The following IL5RA variants were observed in gnomAD, a reference collection of about 807,000 sequenced individuals.
The protein encoded by IL5RA is interleukin-5 receptor subunit alpha.
IL5RA carries 49 observed loss-of-function variants against 50.0 expected under a neutral mutation model. That is an observed-to-expected ratio of 0.98 (90% CI 0.78 to 1.24). The LOEUF (loss-of-function observed/expected upper bound fraction) is 1.24, where lower values mean the gene tolerates loss of function less well. Among genes scored for constraint, IL5RA ranks in the 50% most tolerant of loss-of-function variants. The pLI, the probability that IL5RA is intolerant of heterozygous loss-of-function variation, is 0.00. For missense variants in IL5RA, 600 were observed against 500.4 expected, an observed-to-expected ratio of 1.20 and a Z score of -1.90; for synonymous variants, 202 against 174.0, an observed-to-expected ratio of 1.16 and a Z score of -1.26.
intron 10 of IL5RA, among the ~76,000 whole-genome samples, chr3:3,076,000 G>A (rs1256138656): frequency 6.6e-6 from 1 of 152,140 alleles, no homozygotes; most frequent in East Asian, 1.9e-4. Context: ...AAATGGGTAA[G>A]GGATACTTAT....
chr3:3,099,577 C>A (rs1366092717), intron 5 of IL5RA, among the ~76,000 whole-genome samples: 6 of 151,932 alleles, frequency 3.9e-5, no homozygotes, highest in South Asian at 4.2e-4. Context: ...TGCAATGAAC[C>A]AAGATCATAC....
chr3:3,083,315 G>A (rs1286472359), intron 9 of IL5RA, among the ~76,000 whole-genome samples: 3 of 152,206 alleles, frequency 2.0e-5, no homozygotes, highest in Non-Finnish European at 1.5e-5. Flanking sequence ...AACAAAATGT[G>A]TAGAGTAGTG....
chr3:3,078,603 G>A (rs1439960986), intron 9 of IL5RA, among the ~76,000 whole-genome samples: 3 of 152,200 alleles, frequency 2.0e-5, no homozygotes, highest in African/African-American at 4.8e-5. Context: ...GGAGGCTGAG[G>A]CGGGTGGATC....
At chr3:3,093,894 T>A (rs1703243033) in intron 8 of IL5RA, among the ~76,000 whole-genome samples, 1 of 152,194 alleles carries the variant, frequency 6.6e-6, no homozygotes, top group South Asian at 2.1e-4. Flanking sequence ...GGAATCCTAT[T>A]TTTTTTCCTA....
chr3:3,075,703 T>C (rs1247617056), intron 10 of IL5RA, among the ~76,000 whole-genome samples: 1 of 151,492 alleles, frequency 6.6e-6, no homozygotes, highest in Non-Finnish European at 1.5e-5. Flanking sequence ...CAGGTTCAAG[T>C]GATTCTACTG....
intron 9 of IL5RA, among the ~76,000 whole-genome samples, chr3:3,091,435 C>G (rs957000864): frequency 3.9e-5 from 6 of 152,090 alleles, no homozygotes; most frequent in African/African-American, 1.4e-4. Context: ...CAGACACATA[C>G]AAATGAGGAC....
chr3:3,089,828 A>G (rs922331781), intron 9 of IL5RA: 13 of 163,342 alleles, frequency 8.0e-5, no homozygotes, highest in Admixed American at 3.0e-4. Context: ...TCACCATGTT[A>G]GCCAGGATGG....
intron 8 of IL5RA, among the ~76,000 whole-genome samples, chr3:3,094,213 C>T (rs1054698510): frequency 6.6e-6 from 1 of 152,046 alleles, no homozygotes; most frequent in Non-Finnish European, 1.5e-5. Flanking sequence ...CACCAATGTT[C>T]AACACTCTTT....
At chr3:3,083,276 A>G (rs1702730156) in intron 9 of IL5RA, among the ~76,000 whole-genome samples, 1 of 152,188 alleles carries the variant, frequency 6.6e-6, no homozygotes, top group South Asian at 2.1e-4. Flanking sequence ...AGAGAAATAA[A>G]AAGAGGGCAG....
In IL5RA at chr3:3,075,804, A is replaced by G. The variant is rs575803894; in HGVS notation, c.1091+727T>C. On this transcript the variant is annotated intron_variant, in intron 10 of 11. Coordinates refer to ENST00000446632, the MANE Select transcript of IL5RA (RefSeq NM_175726.4). Reference sequence around the variant, plus strand: ...TTTAGTAGAGACGGGGTTTCACCACATTAGCCAGGGTGGTCTCGATCTCCT... The same window carrying G: ...TTTAGTAGAGACGGGGTTTCACCACGTTAGCCAGGGTGGTCTCGATCTCCT... 8.0e-4 allele frequency among the ~76,000 whole-genome samples: 122 copies of G among 151,858 alleles called. 4 individuals are homozygous for G. The South Asian group carries it at 0.024, about 30-fold the overall frequency.
chr3:3,098,346 A>G, intron 5 of IL5RA, 56 bp from the exon 6 acceptor site: 1 of 1,494,522 alleles, frequency 6.7e-7, no homozygotes, highest in Non-Finnish European at 9.3e-7. Context: ...TCTGAATTTC[A>G]TGCTTCTTTT....
In IL5RA at chr3:3,076,572, G is replaced by A. The variant is rs751372409; in HGVS notation, c.1050C>T (p.Thr350=). ...AGAGAATTAACAAGATGAAGCAGAT[G>A]GTTGCCATAATCACAATGACAAACC... The part of the protein sequence containing the change: ...REWFVIVIMA[T]ICFILLILSL... The change falls in exon 10 of 12, where the codon ACC becomes ACT. Residue 350 remains threonine, a synonymous_variant. Coordinates refer to ENST00000446632, the MANE Select transcript of IL5RA (RefSeq NM_175726.4). 2.5e-6 allele frequency: 4 copies of A among 1,612,478 alleles called. No homozygotes were observed. The South Asian group carries it at 3.3e-5, about 13-fold the overall frequency.
intron 3 of IL5RA, 47 bp from the exon 4 acceptor site, chr3:3,102,867 T>C (rs1221209324): frequency 6.5e-7 from 1 of 1,529,838 alleles, no homozygotes; most frequent in Admixed American, 2.0e-5. Flanking sequence ...CAACTGGACA[T>C]AGGCAGCACT....
At chr3:3,096,622 A>G (rs891640548) in intron 7 of IL5RA, among the ~76,000 whole-genome samples, 1 of 152,218 alleles carries the variant, frequency 6.6e-6, no homozygotes, top group African/African-American at 2.4e-5. Context: ...TGTGGTCTGT[A>G]CTAGATCATA....
chr3:3,071,672 C>G (rs1485976321), intron 11 of IL5RA, among the ~76,000 whole-genome samples: 2 of 151,510 alleles, frequency 1.3e-5, no homozygotes, highest in Non-Finnish European at 2.9e-5. Flanking sequence ...TCACTGCAAC[C>G]TCCGCCTCCT....
At chr3:3,100,754 A>G (rs535555894) in intron 5 of IL5RA, among the ~76,000 whole-genome samples, 5 of 152,296 alleles carry the variant, frequency 3.3e-5, no homozygotes, top group African/African-American at 1.2e-4. Context: ...GCCACATACA[A>G]TAACCCATCT....
chr3:3,106,251 G>C (rs1237543641), intron 2 of IL5RA, among the ~76,000 whole-genome samples: 2 of 152,126 alleles, frequency 1.3e-5, no homozygotes, highest in Non-Finnish European at 2.9e-5. Flanking sequence ...TAAGTGGCTT[G>C]GTATTTTCCA....
Position 3,070,575 on chromosome 3 carries a change from C to CTTTTTTTTTTTTTTTTTTTTTT in IL5RA, c.1177-286_1177-265dup, listed in dbSNP as rs71058670. ...TACTTGAAGTCATATGGATACACAT[C>CTTTTTTTTTTTTTTTTTTTTTT]TTTTTTTTTTTTTTTTTTTTTTTTT... On this transcript the variant is annotated intron_variant, in intron 11 of 11. Transcript: ENST00000446632. Among the ~76,000 whole-genome samples, 4 of 84,918 alleles carry CTTTTTTTTTTTTTTTTTTTTTT rather than the reference C, an allele frequency of 4.7e-5. 1 individual carries two copies. The highest frequency in any genetic ancestry group is 2.2e-4 in the African/African-American group (4 of 18,476). 55.7% of individuals were successfully genotyped at this position (84,918 alleles called of 152,430 possible).
chr3:3,083,614 C>T (rs573721835), intron 9 of IL5RA, among the ~76,000 whole-genome samples: 2 of 152,318 alleles, frequency 1.3e-5, no homozygotes, highest in South Asian at 4.1e-4. Flanking sequence ...GGCTATGTAC[C>T]TTCTGGAGCC....
Sources: allele counts gnomAD v4.1 joint callset (sites outside exome capture counted in the v4.1 genomes callset), GRCh38; gene constraint gnomAD v4.1.1; transcripts MANE v1.5; gene names NCBI Gene and HGNC (gene_info 2026-07-23, HGNC 2026-07-21).